The following AP2A1 variants were observed in gnomAD, a reference collection of about 807,000 sequenced individuals.
AP2A1 encodes the protein AP-2 complex subunit alpha-1.
Under a neutral mutation model 107.3 loss-of-function variants are expected in AP2A1, and 21 were observed. The observed-to-expected ratio is 0.20, with a 90% CI of 0.14 to 0.28. AP2A1 has a LOEUF of 0.28. AP2A1 is among the 10% of genes least tolerant of loss of function. The probability of loss-of-function intolerance (pLI) is 1.00; values close to 1 mark genes in which losing one functional copy is unlikely to be tolerated. For missense variants in AP2A1, 873 were observed against 1,307.7 expected, an observed-to-expected ratio of 0.67 and a Z score of 5.13; for synonymous variants, 602 against 564.8, an observed-to-expected ratio of 1.07 and a Z score of -0.93.
chr19:49,791,842 A>T, intron 4 of AP2A1, 93 bp from the exon 5 acceptor site: 1 of 1,482,426 alleles, frequency 6.7e-7, no homozygotes, highest in South Asian at 1.2e-5. Context: ...CTGGCCTCGC[A>T]CACCCTTCCT....
intron 9 of AP2A1, 64 bp from the exon 10 acceptor site, chr19:49,799,565 G>A (rs1600239722): frequency 6.2e-7 from 1 of 1,600,738 alleles, no homozygotes. Flanking sequence ...AGAGGCCCTT[G>A]GGTGGCCAAC....
Position 49,788,431 on chromosome 19 carries a change from G to GGAGC in AP2A1, c.474-3495_474-3492dup, listed in dbSNP as rs1158879507. On this transcript the variant is annotated intron_variant, in intron 4 of 22. Transcript: ENST00000354293. The surrounding 1 kb of genome is among the most constrained non-coding windows in gnomAD (Gnocchi z 4.5). ...CCGCGTCCTTAGAGGGCTGTGGTGG[G>GGAGC]GAGCGAGCGAGCTGTGCGGGAACAC... Among the ~76,000 whole-genome samples, 6 of 152,190 alleles carry GGAGC rather than the reference G, an allele frequency of 3.9e-5. No homozygotes were observed. The highest frequency in any genetic ancestry group is 1.2e-4 in the African/African-American group (5 of 41,454).
At chr19:49,802,169 C>T (rs1226800314) in intron 15 of AP2A1, 28 bp downstream of exon 15, 1 of 1,523,474 alleles carries the variant, frequency 6.6e-7, no homozygotes, top group Non-Finnish European at 8.8e-7. Flanking sequence ...CGGGCCCCTT[C>T]TCGCGGCCAC....
intron 1 of AP2A1, among the ~76,000 whole-genome samples, chr19:49,779,767 TA>T (rs1354149134): frequency 2.0e-5 from 3 of 152,240 alleles, no homozygotes; most frequent in African/African-American, 4.8e-5. Flanking sequence ...CACTGTCTTC[TA>T]AATCCCGTGT....
At chr19:49,805,840 A>G in intron 20 of AP2A1, 32 bp from the exon 21 acceptor site, 1 of 1,613,310 alleles carries the variant, frequency 6.2e-7, no homozygotes, top group Non-Finnish European at 8.5e-7. Context: ...CGGGCCGTCC[A>G]GGTCCCTGAC....
At chr19:49,782,762 G>A (rs1275641315) in intron 4 of AP2A1, 38 bp downstream of exon 4, 2 of 1,546,308 alleles carry the variant, frequency 1.3e-6, no homozygotes, top group Non-Finnish European at 8.7e-7. Flanking sequence ...GGGGGGCCTG[G>A]GGGTGATGAG....
chr19:49,805,492 A>C lies in AP2A1; in HGVS notation c.2384A>C (p.Asp795Ala). 1.9e-6 allele frequency: 3 copies of C among 1,553,876 alleles called. No homozygotes were observed. The highest frequency in any genetic ancestry group is 2.6e-6 in the Non-Finnish European group (3 of 1,149,334). ...VQTKRVAAQV[D>A]GGAQVQQVLN... ...ACCAAGCGCGTGGCGGCGCAGGTGG[A>C]CGGCGGCGCGCAGGTGCAGCAGGTG... The change falls in exon 19 of 23, where the codon GAC becomes GCC. Residue 795 changes from aspartate to alanine, a missense_variant. Asp to Ala is a moderately radical substitution (Grantham distance 126, BLOSUM62 -2). This residue lies in a region of AP2A1 where 416 missense variants were observed against 473.4 expected (regional missense o/e 0.88). Coordinates refer to ENST00000354293, the MANE Select transcript of AP2A1 (RefSeq NM_130787.3).
intron 1 of AP2A1, among the ~76,000 whole-genome samples, chr19:49,775,104 T>C (rs1023738195): frequency 3.9e-5 from 6 of 152,018 alleles, no homozygotes; most frequent in African/African-American, 1.2e-4. Flanking sequence ...GGCATGCACC[T>C]GTAGTCCTAG....
At chr19:49,791,735 A>G (rs962979646) in intron 4 of AP2A1, 200 bp from the exon 5 acceptor site, 5 of 589,578 alleles carry the variant, frequency 8.5e-6, no homozygotes, top group African/African-American at 7.5e-5. Context: ...GGTTACTGAG[A>G]TGCAATCATT....
chr19:49,783,714 A>C (rs1321143385), intron 4 of AP2A1, among the ~76,000 whole-genome samples: 2 of 152,222 alleles, frequency 1.3e-5, no homozygotes, highest in African/African-American at 4.8e-5. Context: ...AACTGGGTGA[A>C]CCCGAGTATC....
chr19:49,803,449 C>A, intron 18 of AP2A1, 73 bp downstream of exon 18: 1 of 1,223,580 alleles, frequency 8.2e-7, no homozygotes, highest in Non-Finnish European at 1.2e-6. Context: ...AGCCGGCTGA[C>A]CCAGGTCCAC....
At chr19:49,769,258 T>G (rs148286421) in intron 1 of AP2A1, among the ~76,000 whole-genome samples, 1 of 151,674 alleles carries the variant, frequency 6.6e-6, no homozygotes, top group Non-Finnish European at 1.5e-5. Context: ...TCTCCAAAAA[T>G]AAAAAAAAAG....
rs753251310 is a variant in AP2A1, at chr19:49,801,803, G to A, written c.1867G>A (p.Gly623Arg). Residue 623 changes from glycine (G) to arginine (R), a missense_variant, in exon 14 of 23, where the codon GGG becomes AGG. Physicochemically the swap from Gly to Arg is moderately radical, Grantham distance 125. Transcript: ENST00000354293. ...LAKLKRKKGP[G>R]AGSALDDGRR... is the part of the protein sequence containing the mutation. The stretch of plus-strand genomic sequence containing the variant: ...CAAGCTGAAACGCAAGAAGGGGCCA[G>A]GGGCCGGCAGCGCCCTGGACGATGG... 1.3e-6 allele frequency: 2 copies of A among 1,557,668 alleles called. No individual in the cohort carries two copies. The highest frequency in any genetic ancestry group is 1.2e-5 in the South Asian group (1 of 83,250).
Position 49,801,829 on chromosome 19 carries a change from C to A in AP2A1, c.1893C>A (p.Gly631=). 6.6e-7 allele frequency: 1 copy of A among 1,522,360 alleles called. No homozygotes were observed. Among genetic ancestry groups the A allele is most frequent in the Non-Finnish European group, 8.8e-7 (1 of 1,138,032 alleles). The allele number at this position is 1,522,360 out of a possible 1,614,324, so 94.3% of individuals were successfully genotyped here. The change falls in exon 14 of 23, where the codon GGC becomes GGA. Residue 631 remains glycine (G), a synonymous_variant. Transcript: ENST00000354293. ...GPGAGSALDD[G]RRDPSSNDIN... ...GGGCCGGCAGCGCCCTGGACGATGGCCGGAGGGACCCCAGCAGCAACGACA... is the reference window on the plus strand; with the variant it reads ...GGGCCGGCAGCGCCCTGGACGATGGACGGAGGGACCCCAGCAGCAACGACA...
intron 4 of AP2A1, among the ~76,000 whole-genome samples, chr19:49,789,743 A>C (rs533159078): frequency 3.9e-5 from 6 of 152,056 alleles, no homozygotes; most frequent in South Asian, 2.1e-4. Context: ...CCACCATCTT[A>C]TTTCTTTCTC....
intron 1 of AP2A1, among the ~76,000 whole-genome samples, chr19:49,772,170 G>T (rs1203955274): frequency 6.8e-6 from 1 of 147,410 alleles, no homozygotes; most frequent in Non-Finnish European, 1.5e-5. Context: ...CTATCCTCCC[G>T]CCTCAGCCTC....
At chr19:49,795,583 C>T (rs1313583803) in intron 6 of AP2A1, 47 bp from the exon 7 acceptor site, 1 of 502,722 alleles carries the variant, frequency 2.0e-6, no homozygotes, top group Non-Finnish European at 4.0e-6. Context: ...GACCCACGTG[C>T]CCCTCCCACC....
rs572896123 is a variant in AP2A1, at chr19:49,793,111, T to C, written c.705+19T>C. The C allele has an allele frequency of 1.3e-6, 2 of 1,582,916 alleles. No individual in the cohort carries two copies. The highest frequency in any genetic ancestry group is 2.3e-5 in the South Asian group (2 of 86,832). On this transcript the variant is annotated intron_variant, in intron 6 of 22. Coordinates refer to ENST00000354293, the MANE Select transcript of AP2A1 (RefSeq NM_130787.3). Reference sequence around the variant, plus strand: ...GAGCCGGGTGGGTGTGGCCTAGATATTGGCTGCTGGAGGTGGCCCTGGCAT... The same window carrying C: ...GAGCCGGGTGGGTGTGGCCTAGATACTGGCTGCTGGAGGTGGCCCTGGCAT...
At position 49,807,047 on chromosome 19, in the gene AP2A1, C is replaced by G. The variant is rs749517017; in HGVS notation, c.*289C>G. 4 of 1,268,712 alleles carry G rather than the reference C, an allele frequency of 3.2e-6. No individual in the cohort carries two copies. Among genetic ancestry groups the G allele is most frequent in the Non-Finnish European group, 4.2e-6 (4 of 946,338 alleles). The allele number at this position is 1,268,712 out of a possible 1,614,324, so 78.6% of individuals were successfully genotyped here. The stretch of plus-strand genomic sequence containing the variant: ...CCCTCCCACCCCACCCTGTTGTAGC[C>G]CCTCCTACCCCCTCCCCATCCAGGG... On this transcript the variant is annotated 3_prime_UTR_variant, in exon 23 of 23. Coordinates refer to ENST00000354293, the MANE Select transcript of AP2A1 (RefSeq NM_130787.3).
Sources: allele counts gnomAD v4.1 joint callset (sites outside exome capture counted in the v4.1 genomes callset), GRCh38; gene constraint gnomAD v4.1.1; regional missense constraint gnomAD v4.1.1; non-coding constraint Gnocchi (gnomAD v3.1); transcripts MANE v1.5; gene names NCBI Gene and HGNC (gene_info 2026-07-23, HGNC 2026-07-21).